Variants in TBCK observed in about 807,000 individuals in gnomAD.
TBCK encodes TBC domain-containing protein kinase-like protein.
TBCK carries 99 observed loss-of-function variants against 113.4 expected under a neutral mutation model. The observed-to-expected ratio is 0.87, with a 90% CI of 0.74 to 1.03. TBCK has a LOEUF of 1.03. TBCK is among the 50% of genes least tolerant of loss of function. TBCK has a pLI of 0.00. For missense variants in TBCK, 1,045 were observed against 1,061.3 expected, an observed-to-expected ratio of 0.98 and a Z score of 0.21; for synonymous variants, 369 against 370.8, an observed-to-expected ratio of 1.00 and a Z score of 0.05.
chr4:106,173,617 C>T (rs1044695411), intron 22 of TBCK, among the ~76,000 whole-genome samples: 2 of 152,048 alleles, frequency 1.3e-5, no homozygotes, highest in African/African-American at 4.8e-5. Context: ...CCCATCAACA[C>T]CATAAAAGGT....
Position 106,233,578 on chromosome 4 carries a change from T to G in TBCK, c.1512+10A>C. 1.2e-6 allele frequency: 2 copies of G among 1,608,786 alleles called. No homozygotes were observed. Among genetic ancestry groups the G allele is most frequent in the Non-Finnish European group, 1.7e-6 (2 of 1,176,600 alleles). ...TTATCTTAGGTTGCTTAAGAAAACC[T>G]AAATCATACTTGTCTATCTGTAGGA... On this transcript the variant is annotated intron_variant, in intron 16 of 25. Transcript: ENST00000394708.
At chr4:106,126,021 C>T (rs1043565899) in intron 23 of TBCK, among the ~76,000 whole-genome samples, 3 of 152,082 alleles carry the variant, frequency 2.0e-5, no homozygotes, top group Non-Finnish European at 4.4e-5. Flanking sequence ...CTTTTCTCAC[C>T]CCTCACCATC....
chr4:106,177,610 T>C (rs1203050930), intron 22 of TBCK, among the ~76,000 whole-genome samples: 1 of 152,032 alleles, frequency 6.6e-6, no homozygotes, highest in Non-Finnish European at 1.5e-5. Context: ...ATGTATATTG[T>C]TGGCACCTGT....
upstream of TBCK, chr4:106,316,375 A>C (rs1408413246): frequency 3.1e-6 from 2 of 641,586 alleles, no homozygotes; most frequent in African/African-American, 3.6e-5. Context: ...TCGATTGAAA[A>C]TACTGGGTGA....
At chr4:106,211,020 T>G (rs906608328) in intron 20 of TBCK, among the ~76,000 whole-genome samples, 1 of 152,144 alleles carries the variant, frequency 6.6e-6, no homozygotes. Context: ...CTCAAACTCC[T>G]AGCCTCAAGT....
intron 23 of TBCK, among the ~76,000 whole-genome samples, chr4:106,128,475 TACAC>T (rs1315614282): frequency 2.0e-5 from 3 of 152,128 alleles, no homozygotes; most frequent in African/African-American, 7.2e-5. Context: ...AGTTACAACA[TACAC>T]ACAACAAAAT....
intron 6 of TBCK, 28 bp downstream of exon 6, chr4:106,251,833 CCTTTT>C: frequency 4.9e-6 from 7 of 1,439,696 alleles, no homozygotes; most frequent in Non-Finnish European, 6.4e-6. Flanking sequence ...TGCACAATTT[CCTTTT>C]ATTATATTAA....
intron 5 of TBCK, among the ~76,000 whole-genome samples, chr4:106,256,364 A>G (rs548900067): frequency 6.6e-6 from 1 of 151,832 alleles, no homozygotes; most frequent in South Asian, 2.1e-4. Context: ...CCCCCTTCAG[A>G]CTCCCTCCCT....
At chr4:106,111,333 C>T (rs932657515) in intron 24 of TBCK, among the ~76,000 whole-genome samples, 1 of 152,208 alleles carries the variant, frequency 6.6e-6, no homozygotes, top group Non-Finnish European at 1.5e-5. Context: ...ACCTATGGGG[C>T]CCCTTCAGCA....
intron 22 of TBCK, among the ~76,000 whole-genome samples, chr4:106,183,768 T>C (rs1752681737): frequency 2.6e-5 from 4 of 152,214 alleles, no homozygotes; most frequent in Admixed American, 2.0e-4. Flanking sequence ...AATTACAATC[T>C]TGCTTTGCTT....
chr4:106,212,386 G>A (rs1756255459), intron 20 of TBCK, among the ~76,000 whole-genome samples: 1 of 152,226 alleles, frequency 6.6e-6, no homozygotes, highest in South Asian at 2.1e-4. Flanking sequence ...AGCTCCCAAA[G>A]TAGTATCAAG....
At chr4:106,053,221 T>C (rs1735002508) in intron 25 of TBCK, among the ~76,000 whole-genome samples, 1 of 151,622 alleles carries the variant, frequency 6.6e-6, no homozygotes, top group South Asian at 2.1e-4. Context: ...ATCTAATGGT[T>C]TGTCCTATCT....
Position 106,248,935 on chromosome 4 carries a change from A to T in TBCK, c.706T>A (p.Leu236Met), listed in dbSNP as rs751023993. ...TAATGACAAACCTTTATAATGTCCA[A>T]ACAACCATGCTCTTCAGCCAGAACT... is the stretch of plus-strand genomic sequence containing the variant. ...LIVLAEEHGC[L>M]DIIKELPETV... Residue 236 changes from leucine (L) to methionine (M), a missense_variant, in exon 8 of 26, where the codon TTG becomes ATG. Transcript: ENST00000394708. The T allele has an allele frequency of 6.2e-7, 1 of 1,608,008 alleles. No individual in the cohort carries two copies. Among genetic ancestry groups the T allele is most frequent in the East Asian group, 2.2e-5 (1 of 44,770 alleles).
chr4:106,241,988 A>G (rs939230572), intron 12 of TBCK, among the ~76,000 whole-genome samples: 2 of 152,076 alleles, frequency 1.3e-5, no homozygotes, highest in Non-Finnish European at 2.9e-5. Flanking sequence ...CAAAGATACG[A>G]TATCAGGGAC....
intron 23 of TBCK, among the ~76,000 whole-genome samples, chr4:106,161,700 CTGTGTG>C (rs35152957): frequency 0.17 from 24,780 of 146,348 alleles, 1,981 homozygotes; most frequent in South Asian, 0.24. Flanking sequence ...TTAGGTGTGT[CTGTGTG>C]TGTGTGTGTG....
intron 19 of TBCK, among the ~76,000 whole-genome samples, chr4:106,223,538 T>C (rs1268210317): frequency 6.6e-6 from 1 of 152,138 alleles, no homozygotes; most frequent in Non-Finnish European, 1.5e-5. Flanking sequence ...TGGTACTATA[T>C]TAAATGTTGG....
rs565262725 is a variant in TBCK at position 106,247,372 on chromosome 4, A to G, written c.783-85T>C. The G allele has an allele frequency of 6.1e-6, 8 of 1,300,874 alleles. No individual in the cohort carries two copies. In the South Asian group the frequency reaches 7.6e-5, roughly 12 times the overall value. The allele number at this position is 1,300,874 out of a possible 1,614,324, so 80.6% of individuals were successfully genotyped here. A position where few individuals can be genotyped will look rare whatever the true frequency, so the allele number is the denominator to read the frequency against. On this transcript the variant is annotated intron_variant, in intron 9 of 25. Transcript: ENST00000394708. ...TGGCATACATTCAAGAGAATGGATA[A>G]AAGTCTTAAATACCTCATTAGCACA...
At chr4:106,127,879 A>C (rs1232132701) in intron 23 of TBCK, among the ~76,000 whole-genome samples, 6 of 152,196 alleles carry the variant, frequency 3.9e-5, no homozygotes, top group African/African-American at 1.4e-4. Flanking sequence ...AAAAAAATTG[A>C]AAAAGTGCCC....
chr4:106,200,292 G>A (rs190136107), intron 20 of TBCK, among the ~76,000 whole-genome samples: 65 of 152,300 alleles, frequency 4.3e-4, no homozygotes, highest in Admixed American at 2.7e-3. Context: ...CACAATCTCA[G>A]CACTTTGGGA....
Sources: allele counts gnomAD v4.1 joint callset (sites outside exome capture counted in the v4.1 genomes callset), GRCh38; gene constraint gnomAD v4.1.1; transcripts MANE v1.5; gene names NCBI Gene and HGNC (gene_info 2026-07-23, HGNC 2026-07-21).